The following OSBPL6 variants were observed in gnomAD, a reference collection of about 807,000 sequenced individuals.
OSBPL6 encodes oxysterol binding protein like 6.
A neutral mutation model predicts 125.8 loss-of-function variants in OSBPL6; 49 were observed. The observed-to-expected ratio is 0.39, with a 90% CI of 0.31 to 0.49. The LOEUF (loss-of-function observed/expected upper bound fraction) is 0.49, where lower values mean the gene tolerates loss of function less well. Among genes scored for constraint, OSBPL6 ranks in the 20% least tolerant of loss-of-function variants. The probability of loss-of-function intolerance (pLI) is 0.88; values close to 1 mark genes in which losing one functional copy is unlikely to be tolerated. For missense variants in OSBPL6, 986 were observed against 1,135.4 expected (o/e 0.87, Z 1.89); for synonymous variants, 394 against 391.8 (o/e 1.01, Z -0.07).
At chr2:178,235,990 G>A (rs186170471) in intron 1 of OSBPL6, among the ~76,000 whole-genome samples, 1 of 152,168 alleles carries the variant, frequency 6.6e-6, no homozygotes, top group Non-Finnish European at 1.5e-5. Context: ...CTTGTTACAT[G>A]GGTTCAATTT....
At chr2:178,265,738 T>C (rs2092212534) in intron 1 of OSBPL6, among the ~76,000 whole-genome samples, 1 of 152,122 alleles carries the variant, frequency 6.6e-6, no homozygotes, top group Non-Finnish European at 1.5e-5. Context: ...AGGCACTACC[T>C]TCGTAAACTT....
At chr2:178,309,276 T>C (rs951081925) in intron 3 of OSBPL6, among the ~76,000 whole-genome samples, 1 of 152,116 alleles carries the variant, frequency 6.6e-6, no homozygotes, top group Non-Finnish European at 1.5e-5. Context: ...TATGTACTGA[T>C]CTCCTCATCT....
chr2:178,222,645 CA>C (rs2090392617), intron 1 of OSBPL6, among the ~76,000 whole-genome samples: 1 of 151,874 alleles, frequency 6.6e-6, no homozygotes, highest in African/African-American at 2.4e-5. Flanking sequence ...AGACTCGTCT[CA>C]AAAATAAATA....
chr2:178,270,563 G>A (rs1200559455), intron 1 of OSBPL6, among the ~76,000 whole-genome samples: 2 of 152,170 alleles, frequency 1.3e-5, no homozygotes, highest in Non-Finnish European at 2.9e-5. Context: ...GGGGCTCTTA[G>A]CCACTCACCG....
intron 2 of OSBPL6, among the ~76,000 whole-genome samples, chr2:178,286,869 C>T (rs1308398071): frequency 6.6e-6 from 1 of 152,116 alleles, no homozygotes; most frequent in Non-Finnish European, 1.5e-5. Context: ...GAAATCTTGC[C>T]GTCAGAGTTA....
rs191280226 is a variant in OSBPL6, at chr2:178,279,334, T to G, written c.-350-5593T>G. ...CAGGCTGTTGGGAGGATTAGTCACA[T>G]AGCTTAAAGGAAAATTCTGTTGCAA... On this transcript the variant is annotated intron_variant, in intron 1 of 24. Transcript: ENST00000190611. 2.8e-4 allele frequency among the ~76,000 whole-genome samples: 43 copies of G among 152,272 alleles called. No homozygotes were observed. The Middle Eastern group carries it at 0.01, about 36-fold the overall frequency.
intron 2 of OSBPL6, among the ~76,000 whole-genome samples, chr2:178,303,300 G>T (rs942763567): frequency 6.6e-6 from 1 of 152,072 alleles, no homozygotes; most frequent in African/African-American, 2.4e-5. Context: ...TTTTTCCTGC[G>T]GTGACAGTGA....
intron 1 of OSBPL6, among the ~76,000 whole-genome samples, chr2:178,264,568 A>G (rs1409201290): frequency 2.6e-5 from 4 of 152,222 alleles, no homozygotes; most frequent in East Asian, 3.8e-4. Flanking sequence ...TCAACATACA[A>G]AATTTCCTGG....
At chr2:178,346,589 G>T (rs1345451585) in intron 11 of OSBPL6, among the ~76,000 whole-genome samples, 1 of 152,034 alleles carries the variant, frequency 6.6e-6, no homozygotes, top group African/African-American at 2.4e-5. Context: ...TCTTTCCTGC[G>T]CAGGGTAGAA....
intron 1 of OSBPL6, among the ~76,000 whole-genome samples, chr2:178,227,261 C>T (rs1215572853): frequency 6.6e-6 from 1 of 152,144 alleles, no homozygotes; most frequent in Non-Finnish European, 1.5e-5. Flanking sequence ...ATAAAGATGC[C>T]ATTTTATAAC....
Position 178,402,666 on chromosome 2 carries a change from T to G in OSBPL6, c.*7107T>G, listed in dbSNP as rs1456864076. 1 of 152,246 alleles carries G rather than the reference T, an allele frequency of 6.6e-6. No individual in the cohort carries two copies. Among genetic ancestry groups the G allele is most frequent in the Non-Finnish European group, 1.5e-5 (1 of 68,040 alleles). The allele number at this position is 152,246 out of a possible 1,614,324, so 9.4% of individuals were successfully genotyped here. On this transcript the variant is annotated 3_prime_UTR_variant, in exon 25 of 25. Coordinates refer to ENST00000190611, the MANE Select transcript of OSBPL6 (RefSeq NM_032523.4). ...TGTACTGTTCGTTTGCATACGGTCA[T>G]TTTGAGATAGAAAAATTAAATTTTT... is the stretch of plus-strand genomic sequence containing the variant.
intron 2 of OSBPL6, among the ~76,000 whole-genome samples, chr2:178,298,192 A>G (rs1158054820): frequency 6.6e-6 from 1 of 152,176 alleles, no homozygotes; most frequent in Non-Finnish European, 1.5e-5. Flanking sequence ...CATCTGTGTC[A>G]TTACATGTGT....
At chr2:178,362,709 C>T (rs1304567846) in intron 13 of OSBPL6, among the ~76,000 whole-genome samples, 1 of 152,082 alleles carries the variant, frequency 6.6e-6, no homozygotes, top group Non-Finnish European at 1.5e-5. Context: ...ACCGTGTCAC[C>T]GTGTTTTACG....
At chr2:178,382,611 C>A in intron 16 of OSBPL6, 104 bp downstream of exon 16, 1 of 1,504,400 alleles carries the variant, frequency 6.6e-7, no homozygotes. Flanking sequence ...CCCACCCCTG[C>A]TAATTGTTCT....
chr2:178,332,999 T>G lies in OSBPL6; in HGVS notation c.615T>G (p.Ala205=), dbSNP rs1369147983. The G allele has an allele frequency of 1.9e-6, 3 of 1,614,190 alleles. No homozygotes were observed. Among genetic ancestry groups the G allele is most frequent in the Admixed American group, 1.7e-5 (1 of 60,022 alleles). Residue 205 remains alanine, a synonymous_variant, in exon 8 of 25, where the codon GCT becomes GCG. Transcript: ENST00000190611. Reference sequence around the variant, plus strand: ...ACATATTTCCTTCAACGTCCACAGCTGAATCCTCACCAGCTGCTAATGTTT... The same window carrying G: ...ACATATTTCCTTCAACGTCCACAGCGGAATCCTCACCAGCTGCTAATGTTT... ...SFHIFPSTST[A]ESSPAANVSV...
In OSBPL6 at chr2:178,375,762, C is replaced by T. The variant is rs141229604; in HGVS notation, c.1533+1735C>T. 9.5e-4 allele frequency among the ~76,000 whole-genome samples: 144 copies of T among 152,246 alleles called. 1 individual carries two copies. The highest frequency in any genetic ancestry group is 3.4e-3 in the African/African-American group (140 of 41,548). ...TAGTCAGGTTACAGTCAGACTTGAC[C>T]GTGCATTATGTGAGTTCTTACCTAT... On this transcript the variant is annotated intron_variant, in intron 15 of 24. Transcript: ENST00000190611.
At chr2:178,258,317 A>G (rs2091950168) in intron 1 of OSBPL6, among the ~76,000 whole-genome samples, 1 of 152,014 alleles carries the variant, frequency 6.6e-6, no homozygotes, top group African/African-American at 2.4e-5. Context: ...GCTGGTCTCA[A>G]ACTTCTGGCC....
intron 1 of OSBPL6, among the ~76,000 whole-genome samples, chr2:178,257,225 A>C (rs1433094973): frequency 6.7e-6 from 1 of 150,156 alleles, no homozygotes; most frequent in Non-Finnish European, 1.5e-5. Flanking sequence ...TATAAACATG[A>C]ATTATCCAGA....
At chr2:178,265,186 C>G (rs1209339978) in intron 1 of OSBPL6, among the ~76,000 whole-genome samples, 1 of 97,876 alleles carries the variant, frequency 1.0e-5, no homozygotes, top group Non-Finnish European at 2.1e-5. Context: ...CTGGCCCAGA[C>G]GAGACTTTTT....
Sources: allele counts gnomAD v4.1 joint callset (sites outside exome capture counted in the v4.1 genomes callset), GRCh38; gene constraint gnomAD v4.1.1; transcripts MANE v1.5; gene names NCBI Gene and HGNC (gene_info 2026-07-23, HGNC 2026-07-21).